The following ZFYVE27 variants were observed in gnomAD, a reference collection of about 807,000 sequenced individuals.
ZFYVE27 encodes protrudin.
ZFYVE27 carries 36 observed loss-of-function variants against 52.8 expected under a neutral mutation model. The observed-to-expected ratio is 0.68, with a 90% CI of 0.52 to 0.90. The LOEUF is 0.90. ZFYVE27 is among the 40% of genes least tolerant of loss of function. The pLI, the probability that ZFYVE27 is intolerant of heterozygous loss-of-function variation, is 0.00. For missense variants in ZFYVE27, 450 were observed against 527.2 expected, an observed-to-expected ratio of 0.85 and a Z score of 1.43; for synonymous variants, 223 against 215.6, an observed-to-expected ratio of 1.03 and a Z score of -0.30.
At chr10:97,739,367 C>T (rs1589984395) in intron 2 of ZFYVE27, among the ~76,000 whole-genome samples, 1 of 152,270 alleles carries the variant, frequency 6.6e-6, no homozygotes, top group South Asian at 2.1e-4. Context: ...CTGTGCCCAG[C>T]CCATTTTTAC....
chr10:97,755,063 C>T (rs76258841), intron 10 of ZFYVE27, among the ~76,000 whole-genome samples: 3,817 of 152,264 alleles, frequency 0.025, 57 homozygotes, highest in South Asian at 0.049. Flanking sequence ...GCCTGTCCCG[C>T]TTTTGTATTT....
chr10:97,750,176 G>A, intron 6 of ZFYVE27, 155 bp from the exon 7 acceptor site: 1 of 879,006 alleles, frequency 1.1e-6, no homozygotes, highest in Non-Finnish European at 1.8e-6. Context: ...TTGTTTAAGA[G>A]GCTTAAGTTA....
chr10:97,755,032 G>T (rs11189355), intron 10 of ZFYVE27, among the ~76,000 whole-genome samples: 1 of 152,052 alleles, frequency 6.6e-6, no homozygotes, highest in Non-Finnish European at 1.5e-5. Flanking sequence ...TTGCCCTTGC[G>T]TGTGAAGTCC....
In ZFYVE27 at chr10:97,752,861, C is replaced by G. The variant is rs1405319144; in HGVS notation, c.881C>G (p.Thr294Ser). The G allele has an allele frequency of 6.2e-7, 1 of 1,613,952 alleles. No individual in the cohort carries two copies. The highest frequency in any genetic ancestry group is 1.7e-5 in the Admixed American group (1 of 60,008). Residue 294 changes from threonine (T) to serine (S), a missense_variant, in exon 9 of 13, where the codon ACC (threonine) becomes AGC (serine). By Grantham distance (58) the Thr-to-Ser change is moderately conservative. Coordinates refer to ENST00000684270, the MANE Select transcript of ZFYVE27 (RefSeq NM_001385875.1). ...TCCCCGCACCTTGGGAGGCAGGAGA[C>G]CCACTTGGTGGTGCTGGTAAGTGGA... Reference protein sequence around the residue: ...DEEFKDAIEETHLVVLEDDEG... With the variant: ...DEEFKDAIEESHLVVLEDDEG...
intron 10 of ZFYVE27, among the ~76,000 whole-genome samples, chr10:97,753,701 G>T (rs1197976387): frequency 6.6e-6 from 1 of 152,232 alleles, no homozygotes; most frequent in Non-Finnish European, 1.5e-5. Flanking sequence ...CGAAGGGCTA[G>T]CACAGTGCTG....
chr10:97,743,450 C>T (rs1191667179), intron 3 of ZFYVE27, among the ~76,000 whole-genome samples: 3 of 152,214 alleles, frequency 2.0e-5, no homozygotes, highest in Admixed American at 6.5e-5. Context: ...GTGAGGAATG[C>T]GGCAGTCTAG....
chr10:97,744,280 A>G (rs906021953), intron 3 of ZFYVE27, among the ~76,000 whole-genome samples: 2 of 152,234 alleles, frequency 1.3e-5, no homozygotes, highest in Non-Finnish European at 2.9e-5. Context: ...CTCAAGGCAC[A>G]ATCGTCTGCA....
At chr10:97,754,801 A>G (rs577720787) in intron 10 of ZFYVE27, 1 of 1,289,338 alleles carries the variant, frequency 7.8e-7, no homozygotes, top group East Asian at 5.5e-5. Flanking sequence ...ACTACACACA[A>G]GAAGTATTAC....
chr10:97,743,543 T>C (rs1438416477), intron 3 of ZFYVE27, among the ~76,000 whole-genome samples: 1 of 152,242 alleles, frequency 6.6e-6, no homozygotes, highest in African/African-American at 2.4e-5. Flanking sequence ...TGTTTCCTTC[T>C]TGACTTCCTG....
chr10:97,751,444 G>GT lies in ZFYVE27; in HGVS notation c.861dup (p.Lys288Ter). The GT allele has an allele frequency of 6.2e-7, 1 of 1,613,948 alleles. No individual in the cohort carries two copies. Among genetic ancestry groups the GT allele is most frequent in the Non-Finnish European group, 8.5e-7 (1 of 1,179,880 alleles). ...CTGAGGAGGCTGAGCCAGATGAAGA[G>GT]TTTAAAGATGCGATTGAGGTGGGTG... On this transcript the variant is annotated frameshift_variant, in exon 8 of 13. Transcript: ENST00000684270. LOFTEE classifies it high-confidence loss of function.
intron 10 of ZFYVE27, chr10:97,754,600 C>T: frequency 8.0e-7 from 1 of 1,251,348 alleles, no homozygotes; most frequent in Non-Finnish European, 1.0e-6. Context: ...CAAGTGTGAG[C>T]CACCACGCCC....
At chr10:97,738,288 AT>A (rs1227022458) in intron 1 of ZFYVE27, among the ~76,000 whole-genome samples, 188 bp from the exon 2 acceptor site, 1 of 152,100 alleles carries the variant, frequency 6.6e-6, no homozygotes, top group Non-Finnish European at 1.5e-5. Context: ...GGTTTTTATG[AT>A]TTTTAGTTTT....
chr10:97,744,617 G>T (rs2044667689), intron 3 of ZFYVE27, 112 bp from the exon 4 acceptor site: 1 of 1,275,784 alleles, frequency 7.8e-7, no homozygotes, highest in Non-Finnish European at 1.1e-6. Flanking sequence ...TATCAGGGAA[G>T]GCCTGACTGG....
chr10:97,740,129 T>C (rs2043231908), intron 2 of ZFYVE27, among the ~76,000 whole-genome samples: 1 of 152,220 alleles, frequency 6.6e-6, no homozygotes, highest in Non-Finnish European at 1.5e-5. Context: ...TCCTCTGAAA[T>C]ACATGAGAGA....
At chr10:97,754,750 T>C (rs1200549161) in intron 10 of ZFYVE27, 3 of 1,289,418 alleles carry the variant, frequency 2.3e-6, no homozygotes, top group Non-Finnish European at 3.0e-6. Context: ...AGGCAGTTCT[T>C]AAGGGTTCAG....
chr10:97,742,178 A>G lies in ZFYVE27; in HGVS notation c.198-916A>G, dbSNP rs77051925. ...AAAATACATTCAATGCTTGCCAGCAATTTACCTGTTTATTTTTCTGATGTT... is the reference window on the plus strand; with the variant it reads ...AAAATACATTCAATGCTTGCCAGCAGTTTACCTGTTTATTTTTCTGATGTT... On this transcript the variant is annotated intron_variant, in intron 2 of 12. Coordinates refer to ENST00000684270, the MANE Select transcript of ZFYVE27 (RefSeq NM_001385875.1). 1.2e-3 allele frequency among the ~76,000 whole-genome samples: 186 copies of G among 152,112 alleles called. 7 individuals carry two copies. The East Asian group carries it at 0.034, about 28-fold the overall frequency.
chr10:97,746,771 C>G (rs531622164), intron 4 of ZFYVE27, among the ~76,000 whole-genome samples: 14 of 151,868 alleles, frequency 9.2e-5, no homozygotes, highest in Admixed American at 7.9e-4. Flanking sequence ...CTCACTGCAG[C>G]CTCAACCTCC....
In ZFYVE27 at chr10:97,744,729, G is replaced by A. The variant is rs774204770; in HGVS notation, c.269G>A (p.Gly90Asp). Reference sequence around the variant, plus strand: ...ACCTGCAGTGTTTTTGATTCTGCAGGTGCATGGTACTCAGTAGGTGCCCTG... The same window carrying A: ...ACCTGCAGTGTTTTTGATTCTGCAGATGCATGGTACTCAGTAGGTGCCCTG... ...LNVLFLTLNE[G>D]AWYSVGALMI... The change falls in exon 4 of 13, where the codon GGT becomes GAT. Residue 90 changes from glycine to aspartate, a missense_variant and splice_region_variant. Gly to Asp is a moderately conservative substitution (Grantham distance 94, BLOSUM62 -1). Coordinates refer to ENST00000684270, the MANE Select transcript of ZFYVE27 (RefSeq NM_001385875.1). The A allele has an allele frequency of 1.2e-6, 2 of 1,613,488 alleles. No homozygotes were observed. The highest frequency in any genetic ancestry group is 1.7e-6 in the Non-Finnish European group (2 of 1,180,018).
chr10:97,749,179 C>T (rs1414426201), intron 5 of ZFYVE27, among the ~76,000 whole-genome samples: 1 of 152,192 alleles, frequency 6.6e-6, no homozygotes, highest in Admixed American at 6.5e-5. Flanking sequence ...AAATCCCAGT[C>T]TGTCTTACTC....
Sources: allele counts gnomAD v4.1 joint callset (sites outside exome capture counted in the v4.1 genomes callset), GRCh38; gene constraint gnomAD v4.1.1; transcripts MANE v1.5; gene names NCBI Gene and HGNC (gene_info 2026-07-23, HGNC 2026-07-21).